Variants in ARB2A observed in about 807,000 individuals in gnomAD.
ARB2A encodes the protein cotranscriptional regulator ARB2A.
At chr5:93,817,095 C>CACAA in the ARB2A span, among the ~76,000 whole-genome samples, 1 of 151,848 alleles carries the variant, frequency 6.6e-6, no homozygotes, top group African/African-American at 2.4e-5. Context: ...CAAACACACA[C>CACAA]ACACACACAC....
chr5:93,858,769 T>C, the ARB2A span, among the ~76,000 whole-genome samples: 3 of 152,102 alleles, frequency 2.0e-5, no homozygotes, highest in African/African-American at 7.2e-5. Flanking sequence ...TGCTTGCAAA[T>C]GTAAAAGAAT....
the ARB2A span, among the ~76,000 whole-genome samples, chr5:94,090,864 T>C: frequency 2.0e-5 from 3 of 152,084 alleles, no homozygotes; most frequent in African/African-American, 7.2e-5. Context: ...TTGCATCCCA[T>C]ATCATCACTA....
the ARB2A span, among the ~76,000 whole-genome samples, chr5:93,746,034 C>T: frequency 6.6e-6 from 1 of 152,064 alleles, no homozygotes; most frequent in Non-Finnish European, 1.5e-5. Flanking sequence ...AGGAATGATG[C>T]CTCCCACCTC....
At chr5:93,993,106 G>A in the ARB2A span, among the ~76,000 whole-genome samples, 1 of 151,856 alleles carries the variant, frequency 6.6e-6, no homozygotes, top group Non-Finnish European at 1.5e-5. Flanking sequence ...TTCTTAAACT[G>A]AATAAAATGT....
the ARB2A span, among the ~76,000 whole-genome samples, chr5:94,042,585 G>A: frequency 2.0e-5 from 3 of 152,186 alleles, no homozygotes; most frequent in Admixed American, 6.5e-5. Context: ...GATTAAAGGC[G>A]TGAGCCACTG....
chr5:93,651,018 T>C, the ARB2A span, among the ~76,000 whole-genome samples: 312 of 150,908 alleles, frequency 2.1e-3, no homozygotes, highest in Middle Eastern at 3.4e-3. Context: ...AAAAAACACA[T>C]GGAAAAAAAT....
the ARB2A span, among the ~76,000 whole-genome samples, chr5:93,995,486 T>C: frequency 6.6e-6 from 1 of 152,224 alleles, no homozygotes; most frequent in Non-Finnish European, 1.5e-5. Context: ...TATAGTTTCA[T>C]GTCTGCAGCT....
At chr5:93,772,087 A>G in the ARB2A span, among the ~76,000 whole-genome samples, 1 of 152,362 alleles carries the variant, frequency 6.6e-6, no homozygotes, top group East Asian at 1.9e-4. Flanking sequence ...CTGGATTAAG[A>G]AAATGTGGCA....
At chr5:94,089,788 C>G in the ARB2A span, among the ~76,000 whole-genome samples, 1,157 of 152,260 alleles carry the variant, frequency 7.6e-3, 11 homozygotes, top group Middle Eastern at 0.024. Flanking sequence ...GAAAGGAGCT[C>G]TTTCACAATT....
the ARB2A span, among the ~76,000 whole-genome samples, chr5:94,037,758 C>T: frequency 6.6e-6 from 1 of 152,050 alleles, no homozygotes; most frequent in African/African-American, 2.4e-5. Flanking sequence ...ACATTATGTT[C>T]AAATATTTGG....
the ARB2A span, among the ~76,000 whole-genome samples, chr5:93,851,709 T>A: frequency 1.3e-5 from 2 of 152,256 alleles, no homozygotes; most frequent in Admixed American, 6.5e-5. Flanking sequence ...TGGTGTTTGG[T>A]TTTTTGTTCT....
At chr5:94,082,066 T>A in the ARB2A span, among the ~76,000 whole-genome samples, 1 of 152,314 alleles carries the variant, frequency 6.6e-6, no homozygotes, top group African/African-American at 2.4e-5. Context: ...TATTATTTTC[T>A]AGGTATAAAA....
the ARB2A span, among the ~76,000 whole-genome samples, chr5:94,089,837 A>C: frequency 7.9e-5 from 12 of 152,352 alleles, 1 homozygote; most frequent in African/African-American, 2.9e-4. Flanking sequence ...ACTATACAAT[A>C]GATGCCAGGC....
chr5:93,768,597 A>G, the ARB2A span, among the ~76,000 whole-genome samples: 382 of 151,846 alleles, frequency 2.5e-3, 1 homozygote, highest in African/African-American at 9.0e-3. Context: ...GTGTGTATAT[A>G]TATGTATTTA....
chr5:93,886,525 T>C, the ARB2A span, among the ~76,000 whole-genome samples: 3 of 151,740 alleles, frequency 2.0e-5, no homozygotes, highest in Non-Finnish European at 1.5e-5. Context: ...TGTCCATTCA[T>C]CTTTTCTGAA....
the ARB2A span, among the ~76,000 whole-genome samples, chr5:93,791,906 G>T: frequency 1.3e-5 from 2 of 151,756 alleles, no homozygotes; most frequent in East Asian, 1.9e-4. Context: ...AACAAAAAAA[G>T]CATGTGTAAG....
chr5:93,854,647 A>C, the ARB2A span, among the ~76,000 whole-genome samples: 4 of 152,228 alleles, frequency 2.6e-5, no homozygotes, highest in South Asian at 2.1e-4. Flanking sequence ...GAGATTCTGG[A>C]ATGTTGTGTC....
chr5:93,865,007 T>G, the ARB2A span, among the ~76,000 whole-genome samples: 1 of 152,234 alleles, frequency 6.6e-6, no homozygotes, highest in Non-Finnish European at 1.5e-5. Flanking sequence ...TGAAGAGATC[T>G]GTTCCAACAT....
chr5:93,750,534 A>AT, the ARB2A span, among the ~76,000 whole-genome samples: 1 of 152,006 alleles, frequency 6.6e-6, no homozygotes, highest in Non-Finnish European at 1.5e-5. Context: ...GTCTTATTTT[A>AT]TTTTTGAGAT....
Sources: gnomAD v4.1 joint callset for allele counts (sites outside exome capture counted in the v4.1 genomes callset) on GRCh38, gnomAD v4.1.1 for gene constraint, MANE v1.5 for transcripts, NCBI Gene and HGNC (gene_info 2026-07-23, HGNC 2026-07-21) for gene names.